Variants in TAF4B observed in about 807,000 individuals in gnomAD.
The protein encoded by TAF4B is TATA-box binding protein associated factor 4b.
A neutral mutation model predicts 86.4 loss-of-function variants in TAF4B; 38 were observed. The observed-to-expected ratio is 0.44, with a 90% CI of 0.34 to 0.58. The LOEUF (loss-of-function observed/expected upper bound fraction) is 0.58. TAF4B is among the 20% of genes least tolerant of loss of function. The probability of loss-of-function intolerance (pLI) is 0.02; values close to 1 mark genes in which losing one functional copy is unlikely to be tolerated. For missense variants in TAF4B, 988 were observed against 1,027.6 expected (o/e 0.96, Z 0.53); for synonymous variants, 388 against 391.2 (o/e 0.99, Z 0.10).
intron 1 of TAF4B, among the ~76,000 whole-genome samples, chr18:26,255,472 G>C (rs1050296014): frequency 6.6e-6 from 1 of 151,766 alleles, no homozygotes; most frequent in Non-Finnish European, 1.5e-5. Context: ...GTCTGGTGGT[G>C]GGCACCTATA....
chr18:26,260,071 A>C (rs1424919979), intron 1 of TAF4B, among the ~76,000 whole-genome samples: 1 of 152,154 alleles, frequency 6.6e-6, no homozygotes, highest in Non-Finnish European at 1.5e-5. Context: ...TTTTGGCTGC[A>C]TAAATGTCTT....
chr18:26,255,871 G>C, intron 1 of TAF4B: 1 of 1,295,302 alleles, frequency 7.7e-7, no homozygotes, highest in Non-Finnish European at 1.1e-6. Context: ...TAGTATGTGA[G>C]ATCTAAAAAG....
At chr18:26,289,910 G>T (rs2056571613) in intron 7 of TAF4B, among the ~76,000 whole-genome samples, 1 of 152,098 alleles carries the variant, frequency 6.6e-6, no homozygotes. Context: ...AAGTGATGGG[G>T]ATTGAAGGTT....
rs569619240 is a variant in TAF4B, at chr18:26,327,692, C to T, written c.2259+552C>T. Among the ~76,000 whole-genome samples, 6 of 152,328 alleles carry T rather than the reference C, an allele frequency of 3.9e-5. No individual in the cohort carries two copies. In the South Asian group the frequency reaches 1.2e-3, roughly 32 times the overall value. The stretch of plus-strand genomic sequence containing the variant: ...TTTAAGCAGTTCTCTGCCTCAGACT[C>T]CTGAGTAGCTGGGACTACAGGTGCC... On this transcript the variant is annotated intron_variant, in intron 12 of 14. Transcript: ENST00000269142.
At position 26,236,770 on chromosome 18, in the gene TAF4B, G is replaced by A. The variant is rs538434213; in HGVS notation, c.343+9494G>A. On this transcript the variant is annotated intron_variant, in intron 1 of 14. Coordinates refer to ENST00000269142, the MANE Select transcript of TAF4B (RefSeq NM_005640.3). ...TTTTCCTTTTCGTCCTGTTCCTCTC[G>A]GTCCCTATTATAGAACACTGAGGTT... Among the ~76,000 whole-genome samples, 16 of 152,054 alleles carry A rather than the reference G, an allele frequency of 1.1e-4. No homozygotes were observed. The East Asian group carries it at 1.9e-3, about 18-fold the overall frequency.
At chr18:26,381,896 A>G (rs1027160391) in intron 14 of TAF4B, among the ~76,000 whole-genome samples, 3 of 152,058 alleles carry the variant, frequency 2.0e-5, no homozygotes, top group African/African-American at 7.2e-5. Flanking sequence ...TCTTTTAAAG[A>G]ATTTATGAAA....
chr18:26,233,365 G>A (rs2055701509), intron 1 of TAF4B, among the ~76,000 whole-genome samples: 1 of 152,076 alleles, frequency 6.6e-6, no homozygotes, highest in Non-Finnish European at 1.5e-5. Context: ...TGCTGCAGGG[G>A]GTCCAGAGGT....
chr18:26,284,911 G>A (rs377216083), intron 6 of TAF4B, among the ~76,000 whole-genome samples: 11 of 152,054 alleles, frequency 7.2e-5, no homozygotes, highest in Admixed American at 1.3e-4. Context: ...CTTTCAGATC[G>A]TAAAATTCAC....
intron 5 of TAF4B, among the ~76,000 whole-genome samples, chr18:26,279,754 G>C (rs1256813879): frequency 6.6e-6 from 1 of 152,056 alleles, no homozygotes; most frequent in Non-Finnish European, 1.5e-5. Context: ...AATAAGTAAT[G>C]GGGCCTGGCC....
chr18:26,275,217 G>A (rs572159402), intron 5 of TAF4B, among the ~76,000 whole-genome samples, 164 bp downstream of exon 5: 5 of 152,316 alleles, frequency 3.3e-5, no homozygotes, highest in South Asian at 2.1e-4. Flanking sequence ...GTGCAGTGGC[G>A]TGATCTAGGC....
chr18:26,289,617 G>A (rs2056568117), intron 7 of TAF4B, among the ~76,000 whole-genome samples: 1 of 152,102 alleles, frequency 6.6e-6, no homozygotes. Flanking sequence ...CTCCTGACTA[G>A]CTGTGACTGC....
At position 26,309,245 on chromosome 18, in the gene TAF4B, A is replaced by ATTTTT. The variant is rs59457633; in HGVS notation, c.1833-5953_1833-5949dup. The stretch of plus-strand genomic sequence containing the variant: ...CACTTTAGGGAAAAAACCTGACAGT[A>ATTTTT]TTTTTTTTTTTTTTTTTTTTTTTTT... On this transcript the variant is annotated intron_variant, in intron 9 of 14. Coordinates refer to ENST00000269142, the MANE Select transcript of TAF4B (RefSeq NM_005640.3). Among the ~76,000 whole-genome samples the ATTTTT allele has an allele frequency of 4.8e-4, 41 of 84,578 alleles. 1 individual carries two copies. The highest frequency in any genetic ancestry group is 1.6e-3 in the African/African-American group (41 of 25,992). 55.5% of individuals were successfully genotyped at this position (84,578 alleles called of 152,430 possible). A position where few individuals can be genotyped will look rare whatever the true frequency, so the allele number is the denominator to read the frequency against.
intron 7 of TAF4B, among the ~76,000 whole-genome samples, chr18:26,291,445 A>C (rs1445932770): frequency 6.6e-6 from 1 of 151,914 alleles, no homozygotes; most frequent in Non-Finnish European, 1.5e-5. Context: ...CTGGGATTAC[A>C]CCTGTAATCC....
At chr18:26,328,210 G>T (rs2144686916) in intron 12 of TAF4B, among the ~76,000 whole-genome samples, 1 of 152,234 alleles carries the variant, frequency 6.6e-6, no homozygotes, top group East Asian at 1.9e-4. Context: ...CAGCACTTTG[G>T]AAGGCTGAGG....
At chr18:26,235,876 A>G (rs2055740739) in intron 1 of TAF4B, among the ~76,000 whole-genome samples, 1 of 152,204 alleles carries the variant, frequency 6.6e-6, no homozygotes, top group South Asian at 2.1e-4. Context: ...GTCTCCACTG[A>G]CTGTTTGGTT....
rs1282068871 is a variant in TAF4B at position 26,315,161 on chromosome 18, T to TCTCTCTCTCACACACACA, written c.1833-67_1833-66insTCTCTCTCACACACACAC. On this transcript the variant is annotated intron_variant, in intron 9 of 14. Coordinates refer to ENST00000269142, the MANE Select transcript of TAF4B (RefSeq NM_005640.3). ...CTCTCTCTCTGTCTCTCTCTCTCTC[T>TCTCTCTCTCACACACACA]CACACACACACACACACACACACAC... The TCTCTCTCTCACACACACA allele has an allele frequency of 7.2e-5, 16 of 222,960 alleles. 1 individual carries two copies. Among genetic ancestry groups the TCTCTCTCTCACACACACA allele is most frequent in the East Asian group, 2.9e-4 (3 of 10,400 alleles). The allele number at this position is 222,960 out of a possible 1,614,324, so 13.8% of individuals were successfully genotyped here. A position where few individuals can be genotyped will look rare whatever the true frequency, so the allele number is the denominator to read the frequency against.
At chr18:26,320,997 A>G in intron 10 of TAF4B, 73 bp from the exon 11 acceptor site, 1 of 1,579,926 alleles carries the variant, frequency 6.3e-7, no homozygotes, top group East Asian at 2.2e-5. Context: ...GGGGAACAGA[A>G]TACCTGCTGT....
At chr18:26,239,316 C>T (rs142980599) in intron 1 of TAF4B, among the ~76,000 whole-genome samples, 97,930 of 151,682 alleles carry the variant, frequency 0.65, 32,259 homozygotes, top group African/African-American at 0.77. Context: ...ATTGTGGTTT[C>T]GATTTGCATT....
chr18:26,362,210 C>T (rs1368955399), intron 14 of TAF4B, among the ~76,000 whole-genome samples: 1 of 152,140 alleles, frequency 6.6e-6, no homozygotes, highest in African/African-American at 2.4e-5. Context: ...AAACCCCATA[C>T]CTCAATTATC....
Sources: allele counts gnomAD v4.1 joint callset (sites outside exome capture counted in the v4.1 genomes callset), GRCh38; gene constraint gnomAD v4.1.1; transcripts MANE v1.5; gene names NCBI Gene and HGNC (gene_info 2026-07-23, HGNC 2026-07-21).